Variants in NCKAP5 observed in about 807,000 individuals in gnomAD.
NCKAP5 encodes the protein nck-associated protein 5.
NCKAP5 carries 92 observed loss-of-function variants against 167.0 expected under a neutral mutation model. The observed-to-expected ratio is 0.55, with a 90% CI of 0.47 to 0.66. NCKAP5 has a LOEUF of 0.66. Ranked by LOEUF, NCKAP5 falls within the 30% of genes least tolerant of loss-of-function variation. NCKAP5 has a pLI of 0.00. For synonymous variants in NCKAP5, 891 were observed against 877.4 expected, an observed-to-expected ratio of 1.02 and a Z score of -0.27; for missense variants, 2,378 against 2,315.0, an observed-to-expected ratio of 1.03 and a Z score of -0.56.
chr2:133,327,152 G>A (rs1052863193), intron 3 of NCKAP5, among the ~76,000 whole-genome samples: 5 of 152,186 alleles, frequency 3.3e-5, no homozygotes. Context: ...TTCTGGATGG[G>A]CAAACAGAGG....
At chr2:132,893,031 GCA>G in intron 8 of NCKAP5, among the ~76,000 whole-genome samples, 1 of 140,498 alleles carries the variant, frequency 7.1e-6, no homozygotes, top group Admixed American at 7.2e-5. Context: ...AAGGAAAAAA[GCA>G]CAGACATAGT....
chr2:132,942,500 T>G (rs2149104503), intron 8 of NCKAP5, among the ~76,000 whole-genome samples: 1 of 152,308 alleles, frequency 6.6e-6, no homozygotes, highest in South Asian at 2.1e-4. Flanking sequence ...GCTGTAATTT[T>G]TATTTGGTGT....
intron 8 of NCKAP5, among the ~76,000 whole-genome samples, chr2:132,916,863 T>C (rs1275873205): frequency 1.3e-5 from 2 of 150,654 alleles, no homozygotes; most frequent in Admixed American, 1.3e-4. Flanking sequence ...ACCCAGTTTG[T>C]AGCTGTGATG....
At chr2:132,764,488 C>T (rs1447542965) in intron 16 of NCKAP5, among the ~76,000 whole-genome samples, 2 of 152,168 alleles carry the variant, frequency 1.3e-5, no homozygotes, top group Non-Finnish European at 2.9e-5. Flanking sequence ...CATTTCCTTG[C>T]CCAAGCTACT....
At chr2:133,332,282 C>T (rs1051040147) in intron 3 of NCKAP5, among the ~76,000 whole-genome samples, 1 of 152,082 alleles carries the variant, frequency 6.6e-6, no homozygotes, top group African/African-American at 2.4e-5. Context: ...CATCAATGTA[C>T]CAAATGAAAG....
At chr2:133,326,279 C>A (rs951574214) in intron 3 of NCKAP5, among the ~76,000 whole-genome samples, 2 of 152,002 alleles carry the variant, frequency 1.3e-5, no homozygotes, top group African/African-American at 4.8e-5. Context: ...CACGGTGAAA[C>A]CCTGTCTCTA....
At chr2:133,456,905 T>C (rs997013018) in intron 3 of NCKAP5, among the ~76,000 whole-genome samples, 1 of 152,184 alleles carries the variant, frequency 6.6e-6, no homozygotes, top group Non-Finnish European at 1.5e-5. Context: ...ATGAACATTA[T>C]CAGGACTGTC....
intron 4 of NCKAP5, among the ~76,000 whole-genome samples, chr2:133,282,515 G>A (rs1205203352): frequency 6.6e-6 from 1 of 152,156 alleles, no homozygotes; most frequent in Non-Finnish European, 1.5e-5. Context: ...GGAAGATAAG[G>A]GGGATAAAAA....
chr2:133,208,435 T>C (rs1387201408), intron 5 of NCKAP5, among the ~76,000 whole-genome samples: 2 of 152,130 alleles, frequency 1.3e-5, no homozygotes, highest in Non-Finnish European at 2.9e-5. Context: ...TTCCCAAAAA[T>C]ATACCCAAAT....
At chr2:133,641,573 T>C in the NCKAP5 span, among the ~76,000 whole-genome samples, 2 of 152,216 alleles carry the variant, frequency 1.3e-5, no homozygotes, top group African/African-American at 4.8e-5. Flanking sequence ...TGCCTGGCTG[T>C]GTCTGGCACC....
chr2:133,278,456 C>A (rs1242519854), intron 4 of NCKAP5, among the ~76,000 whole-genome samples: 1 of 152,110 alleles, frequency 6.6e-6, no homozygotes, highest in Non-Finnish European at 1.5e-5. Context: ...TCACGTCTCC[C>A]TCTGCCCACA....
intron 2 of NCKAP5, chr2:133,557,924 T>A (rs1687860037): frequency 6.6e-6 from 1 of 152,212 alleles, no homozygotes; most frequent in Admixed American, 6.5e-5. Flanking sequence ...TAATTGCCTG[T>A]GTTGTGAATC....
At chr2:132,702,013 C>T (rs901315364) in intron 19 of NCKAP5, among the ~76,000 whole-genome samples, 9 of 152,162 alleles carry the variant, frequency 5.9e-5, no homozygotes, top group African/African-American at 1.9e-4. Flanking sequence ...ATGGCTATAT[C>T]TGTCAGGCTT....
chr2:132,983,711 AGGAGGGG>A (rs1331262606), intron 7 of NCKAP5, among the ~76,000 whole-genome samples: 1 of 152,106 alleles, frequency 6.6e-6, no homozygotes, highest in Non-Finnish European at 1.5e-5. Context: ...GGGAGTCGGG[AGGAGGGG>A]GGCAACTTCA....
chr2:133,618,079 G>T, the NCKAP5 span, among the ~76,000 whole-genome samples: 2 of 149,972 alleles, frequency 1.3e-5, no homozygotes, highest in Non-Finnish European at 3.0e-5. Flanking sequence ...AATAAATGGT[G>T]CTGGGAAAAC....
chr2:132,973,679 T>G (rs972606136), intron 7 of NCKAP5, among the ~76,000 whole-genome samples: 7 of 152,044 alleles, frequency 4.6e-5, no homozygotes, highest in African/African-American at 1.7e-4. Context: ...CTTTCGTGCT[T>G]CTTTTCCAGA....
intron 16 of NCKAP5, among the ~76,000 whole-genome samples, chr2:132,735,628 G>A (rs1281499919): frequency 1.3e-5 from 2 of 152,192 alleles, no homozygotes; most frequent in African/African-American, 4.8e-5. Context: ...GTGATAGGCA[G>A]ACTTCCAAGG....
chr2:132,885,378 A>ATGTT (rs545829330), intron 8 of NCKAP5, among the ~76,000 whole-genome samples: 139 of 152,214 alleles, frequency 9.1e-4, no homozygotes, highest in Non-Finnish European at 1.6e-3. Context: ...TTAAATAAGT[A>ATGTT]TGTTATTAAA....
chr2:132,771,272 T>C (rs1682021192), intron 16 of NCKAP5, among the ~76,000 whole-genome samples: 2 of 152,154 alleles, frequency 1.3e-5, no homozygotes, highest in Non-Finnish European at 2.9e-5. Context: ...CTAGCTAATA[T>C]GTGTGTTTGT....
Sources: gnomAD v4.1 joint callset for allele counts (sites outside exome capture counted in the v4.1 genomes callset) on GRCh38, gnomAD v4.1.1 for gene constraint, MANE v1.5 for transcripts, NCBI Gene and HGNC (gene_info 2026-07-23, HGNC 2026-07-21) for gene names.